The following PKIG variants were observed in gnomAD, a reference collection of about 807,000 sequenced individuals.
PKIG encodes cAMP-dependent protein kinase inhibitor gamma, also known as protein kinase (cAMP-dependent, catalytic) inhibitor gamma.
Under a neutral mutation model 6.8 loss-of-function variants are expected in PKIG, and 1 was observed. The observed-to-expected ratio is 0.15, with a 90% CI of 0.05 to 0.69. PKIG has a LOEUF of 0.69. Among genes scored for constraint, PKIG ranks in the 30% least tolerant of loss-of-function variants. The pLI, the probability that PKIG is intolerant of heterozygous loss-of-function variation, is 0.82. For missense variants in PKIG, 77 were observed against 104.0 expected, an observed-to-expected ratio of 0.74 and a Z score of 1.13; for synonymous variants, 39 against 43.0, an observed-to-expected ratio of 0.91 and a Z score of 0.36.
intron 1 of PKIG, among the ~76,000 whole-genome samples, chr20:44,586,339 T>C (rs1031876059): frequency 6.6e-6 from 1 of 152,172 alleles, no homozygotes; most frequent in South Asian, 2.1e-4. Flanking sequence ...CCCTCAGACA[T>C]AGGATGGCAT....
chr20:44,618,603 T>C lies in PKIG; in HGVS notation c.*239T>C. ...GTGCCCAGGTACACTTTCAAGACAC[T>C]GTAACCACAAGATGTTATTTATTGA... On this transcript the variant is annotated 3_prime_UTR_variant, in exon 4 of 4. Transcript: ENST00000372886. 2 of 454,910 alleles carry C rather than the reference T, an allele frequency of 4.4e-6. No individual in the cohort carries two copies. Among genetic ancestry groups the C allele is most frequent in the East Asian group, 8.2e-5 (2 of 24,340 alleles). The allele number at this position is 454,910 out of a possible 1,614,324, so 28.2% of individuals were successfully genotyped here. A position where few individuals can be genotyped will look rare whatever the true frequency, so the allele number is the denominator to read the frequency against.
chr20:44,569,668 G>A (rs1051223765), intron 1 of PKIG, among the ~76,000 whole-genome samples: 8 of 151,934 alleles, frequency 5.3e-5, no homozygotes, highest in South Asian at 2.1e-4. Flanking sequence ...GTGCAGTGGC[G>A]CGATCTCGGC....
At chr20:44,609,763 T>C (rs1404169494) in intron 2 of PKIG, among the ~76,000 whole-genome samples, 2 of 152,178 alleles carry the variant, frequency 1.3e-5, no homozygotes, top group Non-Finnish European at 2.9e-5. Context: ...GGAGCCAGTG[T>C]GGCCTGCTCG....
chr20:44,545,373 A>G (rs1278050141), intron 1 of PKIG, among the ~76,000 whole-genome samples: 4 of 152,224 alleles, frequency 2.6e-5, no homozygotes, highest in African/African-American at 9.6e-5. Context: ...ATGTTAACCA[A>G]TGAAATGTAA....
At chr20:44,551,966 C>T (rs1020939849) in intron 1 of PKIG, among the ~76,000 whole-genome samples, 30 of 152,138 alleles carry the variant, frequency 2.0e-4, no homozygotes, top group Non-Finnish European at 4.1e-4. Context: ...AGTGTCTCCC[C>T]GTGTATTGGA....
chr20:44,567,096 T>TA (rs1359093139), intron 1 of PKIG, among the ~76,000 whole-genome samples: 8 of 151,980 alleles, frequency 5.3e-5, no homozygotes, highest in African/African-American at 1.9e-4. Context: ...AAGCATTTCT[T>TA]AAAAAAAAGT....
chr20:44,607,375 A>ATTTTT (rs1484119006), intron 2 of PKIG, among the ~76,000 whole-genome samples: 2 of 106,248 alleles, frequency 1.9e-5, no homozygotes, highest in African/African-American at 4.0e-5. Flanking sequence ...ATATATATAT[A>ATTTTT]TATTTTTTTT....
At chr20:44,565,071 G>A (rs759864842) in intron 1 of PKIG, among the ~76,000 whole-genome samples, 2 of 152,136 alleles carry the variant, frequency 1.3e-5, no homozygotes, top group Non-Finnish European at 2.9e-5. Flanking sequence ...TACCAACTTT[G>A]ACCTGGGCGC....
chr20:44,594,325 C>T lies in PKIG; in HGVS notation c.-24+4459C>T, dbSNP rs74583313. Among the ~76,000 whole-genome samples, 38 of 152,240 alleles carry T rather than the reference C, an allele frequency of 2.5e-4. No individual in the cohort carries two copies. In the East Asian group the frequency reaches 6.2e-3, roughly 25 times the overall value. On this transcript the variant is annotated intron_variant, in intron 2 of 3. Coordinates refer to ENST00000372886, the MANE Select transcript of PKIG (RefSeq NM_001281445.2). ...CTTACAAGTAAAGTATCATTGTCCC[C>T]GTTTCACAGATGAAGAACCTGAGGT...
intron 2 of PKIG, among the ~76,000 whole-genome samples, chr20:44,596,275 A>G (rs2065074427): frequency 6.6e-6 from 1 of 152,266 alleles, no homozygotes; most frequent in South Asian, 2.1e-4. Flanking sequence ...GGAAGAAGTC[A>G]AGGTGCTGCA....
At chr20:44,609,690 A>G (rs1260271498) in intron 2 of PKIG, among the ~76,000 whole-genome samples, 1 of 152,200 alleles carries the variant, frequency 6.6e-6, no homozygotes. Context: ...AATCCAGACC[A>G]AATTCCTGTT....
chr20:44,610,059 G>A (rs1470769201), intron 2 of PKIG, among the ~76,000 whole-genome samples: 1 of 152,234 alleles, frequency 6.6e-6, no homozygotes, highest in Non-Finnish European at 1.5e-5. Context: ...TCCGTGACCT[G>A]TAGAAGGAGC....
chr20:44,543,151 T>G (rs1174335068), intron 1 of PKIG, among the ~76,000 whole-genome samples: 1 of 152,206 alleles, frequency 6.6e-6, no homozygotes, highest in African/African-American at 2.4e-5. Flanking sequence ...GCTTCAGAGC[T>G]TCCTCACTTG....
chr20:44,602,793 A>C (rs2065132462), intron 2 of PKIG, among the ~76,000 whole-genome samples: 1 of 151,206 alleles, frequency 6.6e-6, no homozygotes, highest in African/African-American at 2.4e-5. Context: ...GTGAGCAGAG[A>C]TCATGCCACT....
intron 1 of PKIG, among the ~76,000 whole-genome samples, chr20:44,538,948 A>G (rs1413926496): frequency 6.6e-6 from 1 of 151,116 alleles, no homozygotes; most frequent in Non-Finnish European, 1.5e-5. Context: ...TTTTTGACAC[A>G]GAGCCTCACT....
chr20:44,583,963 A>G (rs955610723), intron 1 of PKIG, among the ~76,000 whole-genome samples: 1 of 152,172 alleles, frequency 6.6e-6, no homozygotes, highest in African/African-American at 2.4e-5. Flanking sequence ...TCTTGAAGAA[A>G]GAGAAAGAAA....
intron 3 of PKIG, among the ~76,000 whole-genome samples, chr20:44,616,376 G>A (rs923221209): frequency 1.3e-5 from 2 of 152,174 alleles, no homozygotes; most frequent in African/African-American, 4.8e-5. Context: ...TGGAGGTACC[G>A]AGTCAATGGC....
Position 44,618,321 on chromosome 20 carries a change from C to A in PKIG, c.188C>A (p.Ala63Asp). 1.2e-6 allele frequency: 2 copies of A among 1,613,664 alleles called. No homozygotes were observed. The change falls in exon 4 of 4, where the codon GCT (alanine) becomes GAT (aspartate). Residue 63 changes from alanine (A) to aspartate (D), a missense_variant. Transcript: ENST00000372886. ...QVEGSAPDKE[A>D]GNQPQSSDGT... ...GAGGGAAGCGCCCCAGACAAGGAAG[C>A]TGGCAACCAGCCCCAGAGCAGCGAT...
chr20:44,547,221 CT>C (rs2064623241), intron 1 of PKIG, among the ~76,000 whole-genome samples: 1 of 152,142 alleles, frequency 6.6e-6, no homozygotes, highest in African/African-American at 2.4e-5. Flanking sequence ...GTCTTGTAGC[CT>C]TTTCAATAGC....
Sources: gnomAD v4.1 joint callset for allele counts (sites outside exome capture counted in the v4.1 genomes callset) on GRCh38, gnomAD v4.1.1 for gene constraint, MANE v1.5 for transcripts, NCBI Gene and HGNC (gene_info 2026-07-23, HGNC 2026-07-21) for gene names.